LUZP2: variants seen among roughly 807,000 people sequenced by gnomAD.
The protein encoded by LUZP2 is leucine zipper protein 2.
In LUZP2, 52 loss-of-function variants were observed where a neutral mutation model predicts 51.6. That is an observed-to-expected ratio of 1.01 (90% CI 0.81 to 1.27). The LOEUF is 1.27. Among genes scored for constraint, LUZP2 ranks in the 50% most tolerant of loss-of-function variants. The pLI is 0.00. For missense variants in LUZP2, 436 were observed against 395.4 expected, an observed-to-expected ratio of 1.10 and a Z score of -0.87; for synonymous variants, 154 against 137.3, an observed-to-expected ratio of 1.12 and a Z score of -0.85.
intron 1 of LUZP2, among the ~76,000 whole-genome samples, chr11:24,638,650 G>T (rs1014790515): frequency 1.3e-5 from 2 of 151,426 alleles, no homozygotes; most frequent in South Asian, 2.1e-4. Flanking sequence ...AGAAATTAGG[G>T]CATATTGTGA....
chr11:24,794,007 T>C (rs1849478907), intron 5 of LUZP2, among the ~76,000 whole-genome samples: 1 of 152,138 alleles, frequency 6.6e-6, no homozygotes, highest in African/African-American at 2.4e-5. Context: ...GATACAAGGA[T>C]CTATTTTCCC....
intron 5 of LUZP2, among the ~76,000 whole-genome samples, chr11:24,809,865 T>C (rs765903404): frequency 6.6e-6 from 1 of 152,158 alleles, no homozygotes; most frequent in Non-Finnish European, 1.5e-5. Context: ...ATGAAAACTT[T>C]ACTCACTACT....
At chr11:25,005,520 T>G (rs1445231040) in intron 9 of LUZP2, among the ~76,000 whole-genome samples, 7 of 152,120 alleles carry the variant, frequency 4.6e-5, no homozygotes, top group Admixed American at 4.6e-4. Context: ...TTTCAGGGTT[T>G]GCAGGTCAAA....
chr11:25,077,297 C>T (rs973795531), intron 10 of LUZP2, 32 bp from the exon 11 acceptor site: 2 of 1,511,972 alleles, frequency 1.3e-6, no homozygotes, highest in African/African-American at 2.7e-5. Flanking sequence ...TCTTTAACTT[C>T]ATTGATGTAT....
intron 1 of LUZP2, among the ~76,000 whole-genome samples, chr11:24,554,991 C>T (rs1238350804): frequency 6.6e-6 from 1 of 152,098 alleles, no homozygotes; most frequent in East Asian, 1.9e-4. Context: ...GCATGAAGTA[C>T]TGCATTCATG....
At chr11:24,533,631 A>G (rs1247677296) in intron 1 of LUZP2, among the ~76,000 whole-genome samples, 1 of 151,284 alleles carries the variant, frequency 6.6e-6, no homozygotes, top group Non-Finnish European at 1.5e-5. Context: ...CTTCTGTTAT[A>G]TATCCTATTT....
At chr11:25,036,937 T>C (rs866092475) in intron 9 of LUZP2, among the ~76,000 whole-genome samples, 20 of 152,254 alleles carry the variant, frequency 1.3e-4, no homozygotes, top group African/African-American at 4.3e-4. Flanking sequence ...CTATGGTTGT[T>C]GAGTGGAGTA....
intron 1 of LUZP2, among the ~76,000 whole-genome samples, chr11:24,502,041 C>T (rs571134525): frequency 6.6e-6 from 1 of 152,232 alleles, no homozygotes; most frequent in South Asian, 2.1e-4. Context: ...AGAACACAGA[C>T]CTCCCCATAA....
chr11:24,586,227 T>C (rs888431252), intron 1 of LUZP2, among the ~76,000 whole-genome samples: 1 of 152,106 alleles, frequency 6.6e-6, no homozygotes, highest in African/African-American at 2.4e-5. Context: ...ACAAAGAATC[T>C]AAATTTTTCC....
chr11:24,629,933 C>A (rs188643233), intron 1 of LUZP2, among the ~76,000 whole-genome samples: 1 of 151,936 alleles, frequency 6.6e-6, no homozygotes, highest in African/African-American at 2.4e-5. Flanking sequence ...ATTTGCATTT[C>A]TCTGATGATT....
In LUZP2 at chr11:24,960,814, T is replaced by G. The variant is rs373792527; in HGVS notation, c.523-15777T>G. Among the ~76,000 whole-genome samples the G allele has an allele frequency of 2.0e-5, 3 of 152,034 alleles. No homozygotes were observed. The East Asian group carries it at 5.8e-4, about 29-fold the overall frequency. ...CTTTTGAATGTGTTTGCTCTTGCTT[T>G]TCTAGTTCTTTTAATTGTGATGTTA... On this transcript the variant is annotated intron_variant, in intron 7 of 11. Transcript: ENST00000336930.
At chr11:24,603,994 C>T (rs1345773143) in intron 1 of LUZP2, among the ~76,000 whole-genome samples, 2 of 151,710 alleles carry the variant, frequency 1.3e-5, no homozygotes, top group African/African-American at 2.4e-5. Flanking sequence ...ATATTATCTA[C>T]AGCACATTCA....
chr11:24,899,209 T>A (rs537738367), intron 5 of LUZP2, among the ~76,000 whole-genome samples: 82 of 152,268 alleles, frequency 5.4e-4, no homozygotes, highest in Middle Eastern at 3.5e-3. Flanking sequence ...ATTATGTGTC[T>A]TTTATAATTT....
chr11:24,975,450 T>G (rs1008162329), intron 7 of LUZP2, among the ~76,000 whole-genome samples: 2 of 152,082 alleles, frequency 1.3e-5, no homozygotes, highest in African/African-American at 4.8e-5. Flanking sequence ...CTGTTGTTGT[T>G]GTGGTTGTTG....
In LUZP2 at chr11:24,738,078, T is replaced by G. The variant is rs1293380078; in HGVS notation, c.252-143T>G. 3 of 506,648 alleles carry G rather than the reference T, an allele frequency of 5.9e-6. No homozygotes were observed. The East Asian group carries it at 9.2e-5, about 15-fold the overall frequency. The allele number at this position is 506,648 out of a possible 1,614,324, so 31.4% of individuals were successfully genotyped here. A position where few individuals can be genotyped will look rare whatever the true frequency, so the allele number is the denominator to read the frequency against. ...ATTACCAGAATCTTTAGACACATCC[T>G]GTATGCTTAACTGTGGCTTTATGCA... On this transcript the variant is annotated intron_variant, in intron 3 of 11. Coordinates refer to ENST00000336930, the MANE Select transcript of LUZP2 (RefSeq NM_001009909.4).
intron 1 of LUZP2, among the ~76,000 whole-genome samples, chr11:24,574,775 C>T (rs1400882048): frequency 6.6e-6 from 1 of 152,068 alleles, no homozygotes; most frequent in African/African-American, 2.4e-5. Flanking sequence ...CTTTCTTGAT[C>T]ACTGCATTTC....
intron 1 of LUZP2, among the ~76,000 whole-genome samples, chr11:24,673,556 C>CT: frequency 6.6e-6 from 1 of 152,244 alleles, no homozygotes; most frequent in Non-Finnish European, 1.5e-5. Context: ...AAGACACCTC[C>CT]GTTTTCTTTT....
intron 7 of LUZP2, among the ~76,000 whole-genome samples, chr11:24,972,678 A>G (rs1855775147): frequency 1.3e-5 from 2 of 152,058 alleles, no homozygotes; most frequent in African/African-American, 4.8e-5. Flanking sequence ...CTATTGAGAT[A>G]ATCATGTGGG....
chr11:24,841,620 A>C (rs906596979), intron 5 of LUZP2, among the ~76,000 whole-genome samples: 1 of 152,100 alleles, frequency 6.6e-6, no homozygotes, highest in South Asian at 2.1e-4. Flanking sequence ...ATGCCTTCCA[A>C]TTTCTCAAGA....
Sources: gnomAD v4.1 joint callset for allele counts (sites outside exome capture counted in the v4.1 genomes callset) on GRCh38, gnomAD v4.1.1 for gene constraint, MANE v1.5 for transcripts, NCBI Gene and HGNC (gene_info 2026-07-23, HGNC 2026-07-21) for gene names.